BCAR3: variants seen among roughly 807,000 people sequenced by gnomAD.
The protein encoded by BCAR3 is breast cancer anti-estrogen resistance protein 3.
BCAR3 carries 37 observed loss-of-function variants against 80.1 expected under a neutral mutation model. The ratio of observed to expected loss-of-function variants is 0.46; its 90% confidence interval spans 0.36 to 0.61. The LOEUF (loss-of-function observed/expected upper bound fraction) is 0.61. BCAR3 is among the 20% of genes least tolerant of loss of function. BCAR3 has a pLI of 0.00. For missense variants in BCAR3, 978 were observed against 1,068.2 expected (o/e 0.92, Z 1.18); for synonymous variants, 389 against 418.9 (o/e 0.93, Z 0.87).
chr1:93,767,321 C>T (rs184345795), intron 2 of BCAR3, among the ~76,000 whole-genome samples: 63 of 152,118 alleles, frequency 4.1e-4, no homozygotes, highest in African/African-American at 1.4e-3. Flanking sequence ...ACAGGAGTTC[C>T]AGACCAGTCT....
chr1:93,735,275 T>C (rs997206376), intron 2 of BCAR3, among the ~76,000 whole-genome samples: 1 of 152,250 alleles, frequency 6.6e-6, no homozygotes, highest in Non-Finnish European at 1.5e-5. Flanking sequence ...CTTTCACATG[T>C]GGAACCACAT....
At chr1:93,616,005 C>T (rs1395040635) in intron 3 of BCAR3, among the ~76,000 whole-genome samples, 1 of 152,140 alleles carries the variant, frequency 6.6e-6, no homozygotes, top group Non-Finnish European at 1.5e-5. Flanking sequence ...CCCCAGAAAT[C>T]GTGAATGAAA....
At chr1:93,663,313 C>T (rs1412208513) in intron 2 of BCAR3, among the ~76,000 whole-genome samples, 2 of 152,172 alleles carry the variant, frequency 1.3e-5, no homozygotes, top group Non-Finnish European at 2.9e-5. Context: ...CCCAGAGCCA[C>T]CCTCTGATAT....
At chr1:93,584,161 C>T (rs770191056) in intron 5 of BCAR3, 40 bp from the exon 6 acceptor site, 60 of 1,573,790 alleles carry the variant, frequency 3.8e-5, no homozygotes, top group East Asian at 6.7e-5. Context: ...GTGTTACTAA[C>T]GTGTAAAATA....
At chr1:93,632,209 C>G (rs1675644066) in intron 3 of BCAR3, among the ~76,000 whole-genome samples, 1 of 152,158 alleles carries the variant, frequency 6.6e-6, no homozygotes, top group African/African-American at 2.4e-5. Context: ...TGTTGAAAGC[C>G]TGTTATGCAT....
At chr1:93,635,603 TC>T (rs1327079569) in intron 3 of BCAR3, among the ~76,000 whole-genome samples, 2 of 152,142 alleles carry the variant, frequency 1.3e-5, no homozygotes, top group African/African-American at 2.4e-5. Context: ...GGATGGGAGC[TC>T]CCTTTCGTCC....
chr1:93,742,011 G>A (rs947153432), intron 2 of BCAR3, among the ~76,000 whole-genome samples: 4 of 152,194 alleles, frequency 2.6e-5, no homozygotes, highest in East Asian at 1.9e-4. Context: ...ATCAGAGCCC[G>A]TGTACCTGCC....
At chr1:93,593,315 G>A (rs948718032) in intron 3 of BCAR3, among the ~76,000 whole-genome samples, 2 of 152,250 alleles carry the variant, frequency 1.3e-5, no homozygotes, top group Admixed American at 6.5e-5. Context: ...ACCCCCATGG[G>A]AGCCACAAAA....
At chr1:93,784,913 T>C (rs1652887661) in intron 2 of BCAR3, among the ~76,000 whole-genome samples, 1 of 152,190 alleles carries the variant, frequency 6.6e-6, no homozygotes, top group African/African-American at 2.4e-5. Flanking sequence ...CCCTTACTCC[T>C]GTTGAGAATT....
chr1:93,608,378 C>CAAG (rs1419344772), intron 3 of BCAR3, among the ~76,000 whole-genome samples: 1 of 152,178 alleles, frequency 6.6e-6, no homozygotes, highest in African/African-American at 2.4e-5. Flanking sequence ...CCAAGATACC[C>CAAG]ATCAGCTAAA....
At chr1:93,816,701 T>G (rs1052339792) in intron 2 of BCAR3, among the ~76,000 whole-genome samples, 1 of 136,860 alleles carries the variant, frequency 7.3e-6, no homozygotes, top group Non-Finnish European at 1.6e-5. Flanking sequence ...AAAAAGAAAT[T>G]AAAACTCTGT....
chr1:93,762,402 G>C (rs7547179), intron 2 of BCAR3, among the ~76,000 whole-genome samples: 47,834 of 152,068 alleles, frequency 0.31, 10,850 homozygotes, highest in African/African-American at 0.64. Context: ...CCCCATCATG[G>C]TGACCATAGA....
intron 3 of BCAR3, chr1:93,613,986 G>C: frequency 2.6e-6 from 4 of 1,546,282 alleles, no homozygotes; most frequent in Non-Finnish European, 3.5e-6. Flanking sequence ...AAAGAAAGGG[G>C]GCTTCGGACG....
chr1:93,697,351 C>T (rs1034179392), intron 3 of BCAR3, among the ~76,000 whole-genome samples: 1 of 152,244 alleles, frequency 6.6e-6, no homozygotes, highest in African/African-American at 2.4e-5. Flanking sequence ...GCGTAGCCCA[C>T]TTACCTGCCC....
chr1:93,657,950 C>CTT (rs748626236), intron 2 of BCAR3, among the ~76,000 whole-genome samples: 3 of 138,580 alleles, frequency 2.2e-5, no homozygotes, highest in African/African-American at 2.6e-5. Flanking sequence ...GTTACTGCTT[C>CTT]TTTTTTTTTT....
intron 2 of BCAR3, among the ~76,000 whole-genome samples, chr1:93,815,821 G>C (rs1435441241): frequency 6.6e-6 from 1 of 152,212 alleles, no homozygotes; most frequent in African/African-American, 2.4e-5. Flanking sequence ...TAATTTTACA[G>C]TGGTTTATTA....
Position 93,801,592 on chromosome 1 carries a change from C to T in BCAR3, c.-63+43975G>A, listed in dbSNP as rs545197329. ...ACCAGTCAGAGGTCTTAGGAAATAT[C>T]AGGCGAATTGTTTAGGCTAAATGGT... is the stretch of plus-strand genomic sequence containing the variant. On this transcript the variant is annotated intron_variant, in intron 2 of 13. Coordinates refer to the BCAR3 transcript ENST00000370244. Among the ~76,000 whole-genome samples the T allele has an allele frequency of 2.0e-5, 3 of 152,308 alleles. No individual in the cohort carries two copies. In the South Asian group the frequency reaches 6.2e-4, roughly 32 times the overall value.
At chr1:93,830,647 C>T (rs1654527138) in intron 2 of BCAR3, among the ~76,000 whole-genome samples, 1 of 152,148 alleles carries the variant, frequency 6.6e-6, no homozygotes, top group Non-Finnish European at 1.5e-5. Flanking sequence ...CCTTCGCTGA[C>T]TCTCTTTTCG....
At chr1:93,694,297 C>T (rs1353994039) in intron 3 of BCAR3, among the ~76,000 whole-genome samples, 1 of 152,158 alleles carries the variant, frequency 6.6e-6, no homozygotes, top group African/African-American at 2.4e-5. Context: ...TCCTGAAATG[C>T]CCTGCATGAA....
Sources: allele counts gnomAD v4.1 joint callset (sites outside exome capture counted in the v4.1 genomes callset), GRCh38; gene constraint gnomAD v4.1.1; transcripts MANE v1.5; gene names NCBI Gene and HGNC (gene_info 2026-07-23, HGNC 2026-07-21).